MYRIP: variants seen among roughly 807,000 people sequenced by gnomAD.
MYRIP encodes the protein rab effector MyRIP.
MYRIP carries 49 observed loss-of-function variants against 98.0 expected under a neutral mutation model. The ratio of observed to expected loss-of-function variants is 0.50; its 90% CI spans 0.40 to 0.63. MYRIP has a LOEUF of 0.63. Among genes scored for constraint, MYRIP ranks in the 30% least tolerant of loss-of-function variants. MYRIP has a pLI of 0.00. For missense variants in MYRIP, 1,004 were observed against 1,058.2 expected (o/e 0.95, Z 0.71); for synonymous variants, 404 against 409.5 (o/e 0.99, Z 0.16).
intron 2 of MYRIP, among the ~76,000 whole-genome samples, chr3:39,957,567 A>G (rs1376272868): frequency 6.6e-6 from 1 of 152,184 alleles, no homozygotes. Context: ...CCCACAGCCA[A>G]TATCATACTG....
intron 3 of MYRIP, among the ~76,000 whole-genome samples, chr3:40,108,815 C>T (rs1949102409): frequency 6.6e-6 from 1 of 152,134 alleles, no homozygotes; most frequent in Admixed American, 6.5e-5. Context: ...ACTTGCTTTC[C>T]TGGAGAGACT....
At chr3:40,016,449 C>G (rs540823067) in intron 2 of MYRIP, among the ~76,000 whole-genome samples, 31 of 152,252 alleles carry the variant, frequency 2.0e-4, no homozygotes, top group African/African-American at 7.5e-4. Flanking sequence ...AGATCTCTGC[C>G]AATGACCAGC....
chr3:40,257,432 C>T (rs1408954207), intron 16 of MYRIP, among the ~76,000 whole-genome samples: 13 of 152,140 alleles, frequency 8.5e-5, no homozygotes, highest in Non-Finnish European at 1.6e-4. Flanking sequence ...TGAATTTTTG[C>T]ATGAGTGAAA....
chr3:39,838,286 C>T (rs562053085), intron 1 of MYRIP, among the ~76,000 whole-genome samples: 10 of 152,194 alleles, frequency 6.6e-5, no homozygotes, highest in African/African-American at 9.6e-5. Flanking sequence ...TGTCTTGTGC[C>T]GGTTTTCAAA....
intron 13 of MYRIP, 114 bp downstream of exon 13, chr3:40,244,721 A>G: frequency 8.5e-7 from 1 of 1,180,896 alleles, no homozygotes; most frequent in Non-Finnish European, 1.2e-6. Context: ...CATCTCCAGC[A>G]TGTTTGCGTG....
intron 15 of MYRIP, 130 bp downstream of exon 15, chr3:40,250,629 C>T (rs2125722328): frequency 8.9e-7 from 1 of 1,120,036 alleles, no homozygotes; most frequent in East Asian, 2.5e-5. Context: ...TCTTGTCTAT[C>T]TTGATTTGGG....
chr3:40,107,255 T>C (rs1040329308), intron 3 of MYRIP, among the ~76,000 whole-genome samples: 1 of 152,190 alleles, frequency 6.6e-6, no homozygotes, highest in African/African-American at 2.4e-5. Context: ...GCCCTGTAAG[T>C]AGGGCCAGTT....
intron 16 of MYRIP, among the ~76,000 whole-genome samples, chr3:40,256,597 AT>A (rs1953599515): frequency 6.6e-6 from 1 of 152,156 alleles, no homozygotes; most frequent in African/African-American, 2.4e-5. Flanking sequence ...AAGGATGTCA[AT>A]TTTTTATATA....
At chr3:40,036,478 G>A (rs1947388894) in intron 2 of MYRIP, among the ~76,000 whole-genome samples, 1 of 151,950 alleles carries the variant, frequency 6.6e-6, no homozygotes, top group Non-Finnish European at 1.5e-5. Flanking sequence ...AGGAAAATCA[G>A]ATGCAAGAAG....
intron 3 of MYRIP, among the ~76,000 whole-genome samples, chr3:40,128,493 C>A (rs749810352): frequency 6.6e-6 from 1 of 152,184 alleles, no homozygotes; most frequent in African/African-American, 2.4e-5. Flanking sequence ...CACCTTGCAG[C>A]CTTCATTTAA....
At chr3:39,830,757 T>C (rs73072873) in intron 1 of MYRIP, among the ~76,000 whole-genome samples, 1 of 152,178 alleles carries the variant, frequency 6.6e-6, no homozygotes, top group South Asian at 2.1e-4. Flanking sequence ...TTTTCTTTTC[T>C]TGGAAAAACT....
chr3:39,992,838 C>A (rs1946213170), intron 2 of MYRIP, among the ~76,000 whole-genome samples: 1 of 152,196 alleles, frequency 6.6e-6, no homozygotes, highest in African/African-American at 2.4e-5. Flanking sequence ...AGTCTCTGAC[C>A]TCCACTTCTC....
intron 3 of MYRIP, among the ~76,000 whole-genome samples, chr3:40,120,324 A>G (rs1165597016): frequency 6.6e-6 from 1 of 152,204 alleles, no homozygotes; most frequent in African/African-American, 2.4e-5. Flanking sequence ...ACCAGCTAGG[A>G]GCTTAATTTA....
intron 1 of MYRIP, among the ~76,000 whole-genome samples, chr3:39,828,304 G>T (rs1479040353): frequency 6.6e-6 from 1 of 150,920 alleles, no homozygotes; most frequent in Non-Finnish European, 1.5e-5. Flanking sequence ...TCATTTTTTT[G>T]TCTGCCTGAC....
At chr3:40,009,211 A>C (rs1946699844) in intron 2 of MYRIP, among the ~76,000 whole-genome samples, 1 of 150,746 alleles carries the variant, frequency 6.6e-6, no homozygotes, top group Admixed American at 6.6e-5. Context: ...CGGTCACCAC[A>C]GTGGAGGGAT....
chr3:39,995,934 G>A (rs979504847), intron 2 of MYRIP, among the ~76,000 whole-genome samples: 1 of 152,168 alleles, frequency 6.6e-6, no homozygotes, highest in African/African-American at 2.4e-5. Flanking sequence ...GCCAAACTAA[G>A]CTTCATAAGT....
intron 2 of MYRIP, among the ~76,000 whole-genome samples, chr3:40,003,837 A>C (rs750916532): frequency 6.6e-6 from 1 of 152,142 alleles, no homozygotes; most frequent in Non-Finnish European, 1.5e-5. Context: ...TGTTTTCCCA[A>C]CACCCAACTA....
rs1170571747 is a variant in MYRIP, at chr3:39,900,790, T to G, written c.-27T>G. On this transcript the variant is annotated 5_prime_UTR_variant, in exon 2 of 17. Transcript: ENST00000302541. ...TTGTATCATTTTGGTTTCCCAGGTC[T>G]TGTTTCATCATCTGTGTTGAGTAAC... 1 of 1,572,056 alleles carries G rather than the reference T, an allele frequency of 6.4e-7. No individual in the cohort carries two copies. Among genetic ancestry groups the G allele is most frequent in the African/African-American group, 1.4e-5 (1 of 73,660 alleles).
intron 9 of MYRIP, among the ~76,000 whole-genome samples, chr3:40,184,200 T>C (rs1950966311): frequency 6.6e-6 from 1 of 152,220 alleles, no homozygotes; most frequent in Non-Finnish European, 1.5e-5. Context: ...TTCTTCCTCA[T>C]TTTCTCACTT....
Sources: gnomAD v4.1 joint callset for allele counts (sites outside exome capture counted in the v4.1 genomes callset) on GRCh38, gnomAD v4.1.1 for gene constraint, MANE v1.5 for transcripts, NCBI Gene and HGNC (gene_info 2026-07-23, HGNC 2026-07-21) for gene names.